The following PLXDC2 variants were observed in gnomAD, a reference collection of about 807,000 sequenced individuals.
PLXDC2 encodes the protein plexin domain-containing protein 2.
PLXDC2 carries 40 observed loss-of-function variants against 68.9 expected under a neutral mutation model. That is an observed-to-expected ratio of 0.58 (90% CI 0.45 to 0.76). The LOEUF is 0.76. Ranked by LOEUF, PLXDC2 falls within the 30% of genes least tolerant of loss-of-function variation. The pLI, the probability that PLXDC2 is intolerant of heterozygous loss-of-function variation, is 0.00. For missense variants in PLXDC2, 644 were observed against 661.9 expected (o/e 0.97, Z 0.30); for synonymous variants, 243 against 234.2 (o/e 1.04, Z -0.34).
chr10:19,859,404 T>C (rs1016672600), intron 1 of PLXDC2, among the ~76,000 whole-genome samples: 1 of 152,214 alleles, frequency 6.6e-6, no homozygotes, highest in Non-Finnish European at 1.5e-5. Context: ...ATTTTTCTTG[T>C]TTCCAACACT....
At chr10:20,268,538 G>A (rs1835898339) in intron 13 of PLXDC2, among the ~76,000 whole-genome samples, 1 of 152,156 alleles carries the variant, frequency 6.6e-6, no homozygotes, top group South Asian at 2.1e-4. Context: ...ATTCTCTTGT[G>A]TTGTTTCTTA....
intron 4 of PLXDC2, among the ~76,000 whole-genome samples, chr10:20,121,021 G>T (rs1467819529): frequency 1.3e-5 from 2 of 152,174 alleles, no homozygotes; most frequent in Admixed American, 6.5e-5. Context: ...GGTGTCAGTT[G>T]TGGTATCAGG....
At chr10:20,085,794 A>G (rs1833184331) in intron 4 of PLXDC2, among the ~76,000 whole-genome samples, 1 of 152,174 alleles carries the variant, frequency 6.6e-6, no homozygotes, top group Non-Finnish European at 1.5e-5. Flanking sequence ...CAGAAACAAA[A>G]TGCACTTTAA....
intron 1 of PLXDC2, among the ~76,000 whole-genome samples, chr10:19,823,352 C>T (rs1259357257): frequency 6.6e-6 from 1 of 151,492 alleles, no homozygotes. Context: ...TGTTTTAGGC[C>T]TCATGTCACT....
Position 20,285,167 on chromosome 10 carries a change from G to A in PLXDC2, c.*5348G>A, listed in dbSNP as rs530569184. On this transcript the variant is annotated 3_prime_UTR_variant, in exon 14 of 14. Coordinates refer to ENST00000377252, the MANE Select transcript of PLXDC2 (RefSeq NM_032812.9). ...TATTACAACATTTTTGTCCTTATAA[G>A]GTTTTTTGGGCAGATAATGCGAGGT... The A allele has an allele frequency of 3.3e-5, 5 of 152,072 alleles. No individual in the cohort carries two copies. In the East Asian group the frequency reaches 9.7e-4, roughly 29 times the overall value. 9.4% of individuals were successfully genotyped at this position (152,072 alleles called of 1,614,324 possible). A position where few individuals can be genotyped will look rare whatever the true frequency, so the allele number is the denominator to read the frequency against.
chr10:19,851,478 G>T (rs191415439), intron 1 of PLXDC2, among the ~76,000 whole-genome samples: 35 of 152,222 alleles, frequency 2.3e-4, no homozygotes, highest in African/African-American at 8.2e-4. Flanking sequence ...TGTCTTTGAC[G>T]GGGCATATGA....
intron 3 of PLXDC2, among the ~76,000 whole-genome samples, chr10:20,052,227 C>G (rs944238715): frequency 6.6e-6 from 1 of 152,054 alleles, no homozygotes; most frequent in African/African-American, 2.4e-5. Context: ...TCCCTACATT[C>G]TTCTTTCATA....
At chr10:20,211,178 C>G (rs912491275) in intron 9 of PLXDC2, among the ~76,000 whole-genome samples, 3 of 152,072 alleles carry the variant, frequency 2.0e-5, no homozygotes, top group African/African-American at 7.2e-5. Context: ...AACCCCACAA[C>G]TGCCAAGTTA....
chr10:19,819,577 CAG>C lies in PLXDC2; in HGVS notation c.112+2387_112+2388del, dbSNP rs1836426488. Reference sequence around the variant, plus strand: ...ACAGGAACAACATCTGATTTCATAACAGGGACATTTTATTATGCGTTACTTTA... The same window carrying C: ...ACAGGAACAACATCTGATTTCATAACGGACATTTTATTATGCGTTACTTTA... On this transcript the variant is annotated intron_variant, in intron 1 of 13. Transcript: ENST00000377252. Among the ~76,000 whole-genome samples the C allele has an allele frequency of 6.6e-5, 10 of 152,338 alleles. No homozygotes were observed. In the South Asian group the frequency reaches 2.1e-3, roughly 32 times the overall value.
intron 1 of PLXDC2, among the ~76,000 whole-genome samples, chr10:19,893,804 A>G (rs1004484361): frequency 1.3e-5 from 2 of 152,174 alleles, no homozygotes; most frequent in African/African-American, 4.8e-5. Context: ...ATGACAACTC[A>G]TGTCTCCTCA....
chr10:19,907,691 C>G (rs1391828118), intron 1 of PLXDC2, among the ~76,000 whole-genome samples: 1 of 152,226 alleles, frequency 6.6e-6, no homozygotes, highest in African/African-American at 2.4e-5. Flanking sequence ...AACAGGAAAT[C>G]AACTTACTCC....
intron 13 of PLXDC2, among the ~76,000 whole-genome samples, chr10:20,256,059 A>C (rs1588546625): frequency 6.6e-6 from 1 of 152,244 alleles, no homozygotes; most frequent in East Asian, 1.9e-4. Flanking sequence ...ACTTAAAATT[A>C]CTATAGATGA....
At chr10:19,879,483 A>G (rs1303829020) in intron 1 of PLXDC2, among the ~76,000 whole-genome samples, 4 of 152,164 alleles carry the variant, frequency 2.6e-5, no homozygotes, top group Non-Finnish European at 5.9e-5. Flanking sequence ...ATTCAATTTT[A>G]AACGCTCATT....
chr10:20,079,301 T>G (rs1247851608), intron 4 of PLXDC2, among the ~76,000 whole-genome samples: 1 of 152,094 alleles, frequency 6.6e-6, no homozygotes, highest in South Asian at 2.1e-4. Flanking sequence ...AAAACTGCAA[T>G]GAGATACCAG....
intron 1 of PLXDC2, among the ~76,000 whole-genome samples, chr10:19,822,979 G>C (rs373506820): frequency 6.6e-6 from 1 of 151,516 alleles, no homozygotes; most frequent in Non-Finnish European, 1.5e-5. Flanking sequence ...GCAGTGGCGC[G>C]ATCTCAGCTC....
At chr10:19,921,061 A>G (rs1370903122) in intron 1 of PLXDC2, among the ~76,000 whole-genome samples, 1 of 151,282 alleles carries the variant, frequency 6.6e-6, no homozygotes, top group African/African-American at 2.4e-5. Context: ...CCAAGCAGCT[A>G]GGACTATAGG....
At position 20,287,310 on chromosome 10, in the gene PLXDC2, T is replaced by C. The variant is rs1185509800; in HGVS notation, c.*7491T>C. ...GAATGACCAAAAAGAGACTTTCCAT[T>C]TATCTTCCTTTGACTTAAAAGGCAT... On this transcript the variant is annotated 3_prime_UTR_variant, in exon 14 of 14. Transcript: ENST00000377252. 6.6e-6 allele frequency: 1 copy of C among 152,130 alleles called. No homozygotes were observed. The highest frequency in any genetic ancestry group is 1.5e-5 in the Non-Finnish European group (1 of 68,022). The allele number at this position is 152,130 out of a possible 1,614,324, so 9.4% of individuals were successfully genotyped here. A position where few individuals can be genotyped will look rare whatever the true frequency, so the allele number is the denominator to read the frequency against.
chr10:20,052,314 A>C (rs111621980), intron 3 of PLXDC2, among the ~76,000 whole-genome samples: 192 of 152,184 alleles, frequency 1.3e-3, no homozygotes, highest in African/African-American at 4.4e-3. Context: ...CCTCAACTGG[A>C]CTTTCTACCT....
intron 12 of PLXDC2, among the ~76,000 whole-genome samples, chr10:20,238,687 A>ATATGTG (rs1564363512): frequency 9.8e-6 from 1 of 101,672 alleles, no homozygotes; most frequent in African/African-American, 3.8e-5. Flanking sequence ...GTATATATAT[A>ATATGTG]TATATACACA....
Sources: allele counts gnomAD v4.1 joint callset (sites outside exome capture counted in the v4.1 genomes callset), GRCh38; gene constraint gnomAD v4.1.1; transcripts MANE v1.5; gene names NCBI Gene and HGNC (gene_info 2026-07-23, HGNC 2026-07-21).